Variants in SHROOM3 observed in about 807,000 individuals in gnomAD.
SHROOM3 encodes the protein shroom family member 3, also known as protein Shroom3.
SHROOM3 carries 47 observed loss-of-function variants against 138.6 expected under a neutral mutation model. The observed-to-expected ratio is 0.34, with a 90% confidence interval of 0.27 to 0.43. The LOEUF (loss-of-function observed/expected upper bound fraction) is 0.43. Ranked by LOEUF, SHROOM3 falls within the 20% of genes least tolerant of loss-of-function variation. The probability of loss-of-function intolerance (pLI) is 1.00; values close to 1 mark genes in which losing one functional copy is unlikely to be tolerated. For missense variants in SHROOM3, 2,491 were observed against 2,596.5 expected (o/e 0.96, Z 0.88); for synonymous variants, 1,062 against 1,063.3 (o/e 1.00, Z 0.02).
chr4:76,751,885 A>C (rs1329908835), intron 6 of SHROOM3, among the ~76,000 whole-genome samples: 1 of 152,256 alleles, frequency 6.6e-6, no homozygotes, highest in Non-Finnish European at 1.5e-5. Flanking sequence ...GTGCAGCCGT[A>C]TGAAAAACAG....
chr4:76,566,682 T>G, intron 2 of SHROOM3, among the ~76,000 whole-genome samples: 1 of 152,234 alleles, frequency 6.6e-6, no homozygotes, highest in African/African-American at 2.4e-5. Context: ...AGTATAGGTT[T>G]GTGGGTTACT....
chr4:76,690,745 A>C (rs936528287), intron 2 of SHROOM3, among the ~76,000 whole-genome samples: 2 of 152,152 alleles, frequency 1.3e-5, no homozygotes, highest in African/African-American at 2.4e-5. Flanking sequence ...AAAAGGTGTA[A>C]TATACAGAGA....
At chr4:76,454,846 G>A (rs966367192) in intron 1 of SHROOM3, among the ~76,000 whole-genome samples, 1 of 152,084 alleles carries the variant, frequency 6.6e-6, no homozygotes, top group African/African-American at 2.4e-5. Flanking sequence ...ATGATTTACA[G>A]TTTTCATGCA....
intron 2 of SHROOM3, among the ~76,000 whole-genome samples, chr4:76,681,259 A>G (rs1470234022): frequency 6.6e-6 from 1 of 152,138 alleles, no homozygotes; most frequent in Non-Finnish European, 1.5e-5. Flanking sequence ...TCTCCCAAGC[A>G]TGTCCTGTGC....
At chr4:76,554,985 C>T (rs1296814457) in intron 1 of SHROOM3, among the ~76,000 whole-genome samples, 2 of 151,650 alleles carry the variant, frequency 1.3e-5, no homozygotes, top group East Asian at 3.9e-4. Flanking sequence ...TTATGAGAAT[C>T]TAATGCCTGA....
intron 8 of SHROOM3, among the ~76,000 whole-genome samples, chr4:76,757,332 G>A (rs891043081): frequency 2.6e-5 from 4 of 152,204 alleles, no homozygotes; most frequent in African/African-American, 9.7e-5. Context: ...CATTGAACAT[G>A]TGAGTGATGG....
intron 2 of SHROOM3, among the ~76,000 whole-genome samples, chr4:76,654,971 T>C (rs1736035687): frequency 6.6e-6 from 1 of 152,214 alleles, no homozygotes; most frequent in African/African-American, 2.4e-5. Flanking sequence ...TATCATACTA[T>C]GTGGCTCTGG....
chr4:76,612,595 G>A (rs1384810529), intron 2 of SHROOM3, among the ~76,000 whole-genome samples: 2 of 152,138 alleles, frequency 1.3e-5, no homozygotes, highest in African/African-American at 4.8e-5. Flanking sequence ...AAATAATGTA[G>A]TATAATAATG....
chr4:76,746,725 ATAAC>A (rs984707413), intron 5 of SHROOM3, among the ~76,000 whole-genome samples: 4 of 151,626 alleles, frequency 2.6e-5, no homozygotes, highest in African/African-American at 9.7e-5. Flanking sequence ...AGATATTGAG[ATAAC>A]TAACTTGGAA....
intron 2 of SHROOM3, among the ~76,000 whole-genome samples, chr4:76,606,700 C>T (rs1050867591): frequency 1.8e-4 from 28 of 152,126 alleles, no homozygotes; most frequent in African/African-American, 6.5e-4. Context: ...AGGACTCCCT[C>T]TCAAAAAATA....
At chr4:76,717,751 A>G (rs1720418143) in intron 3 of SHROOM3, among the ~76,000 whole-genome samples, 1 of 152,148 alleles carries the variant, frequency 6.6e-6, no homozygotes, top group Non-Finnish European at 1.5e-5. Context: ...GACAAAAGGA[A>G]CCCATGTGTA....
At chr4:76,616,448 AT>A (rs1167077882) in intron 2 of SHROOM3, among the ~76,000 whole-genome samples, 2 of 152,222 alleles carry the variant, frequency 1.3e-5, no homozygotes, top group East Asian at 3.8e-4. Context: ...AATATAGTGT[AT>A]CCATTCATAT....
chr4:76,731,041 C>T (rs1560604585), intron 4 of SHROOM3, 106 bp downstream of exon 4: 4 of 1,444,708 alleles, frequency 2.8e-6, no homozygotes, highest in Non-Finnish European at 3.9e-6. Flanking sequence ...CTTATACTCA[C>T]ACTAAATATT....
intron 2 of SHROOM3, among the ~76,000 whole-genome samples, chr4:76,600,301 C>T (rs1577910614): frequency 6.6e-6 from 1 of 151,106 alleles, no homozygotes; most frequent in East Asian, 2.0e-4. Flanking sequence ...GAGTTCCATG[C>T]CACGTGAGTC....
rs929262419 is a variant in SHROOM3 at position 76,664,707 on chromosome 4, T to C, written c.324-45449T>C. Among the ~76,000 whole-genome samples, 1 of 152,242 alleles carries C rather than the reference T, an allele frequency of 6.6e-6. No individual in the cohort carries two copies. Among genetic ancestry groups the C allele is most frequent in the Non-Finnish European group, 1.5e-5 (1 of 68,040 alleles). ...CAGTTTTAAGTGTATAGGTCAATAA[T>C]GTTAAGTGTATAGTTCAATAAGTTT... On this transcript the variant is annotated intron_variant, in intron 2 of 10. Coordinates refer to ENST00000296043, the MANE Select transcript of SHROOM3 (RefSeq NM_020859.4). The surrounding 1 kb of genome is among the most constrained non-coding windows in gnomAD (Gnocchi z 4.2).
chr4:76,587,781 T>C (rs1734184165), intron 2 of SHROOM3, among the ~76,000 whole-genome samples: 1 of 152,186 alleles, frequency 6.6e-6, no homozygotes, highest in Non-Finnish European at 1.5e-5. Context: ...CACTTAAAAA[T>C]ATAGTGTATA....
rs147060776 is a variant in SHROOM3, at chr4:76,755,013, G to T, written c.4530G>T (p.Val1510=). Residue 1510 remains valine (V), a synonymous_variant, in exon 7 of 11, where the codon GTG becomes GTT. Transcript: ENST00000296043. ...PHEDYEDEVF[V]RDPHPKATSS... The stretch of plus-strand genomic sequence containing the variant: ...AGGATTATGAAGACGAAGTGTTTGT[G>T]AGGGATCCGCACCCCAAGGCCACGT... 4.3e-6 allele frequency: 7 copies of T among 1,610,704 alleles called. No homozygotes were observed. Among genetic ancestry groups the T allele is most frequent in the Non-Finnish European group, 5.9e-6 (7 of 1,177,474 alleles).
intron 8 of SHROOM3, among the ~76,000 whole-genome samples, 164 bp from the exon 9 acceptor site, chr4:76,759,381 G>C (rs1229502923): frequency 4.6e-5 from 7 of 152,172 alleles, no homozygotes; most frequent in Admixed American, 4.6e-4. Context: ...CAACAGCCCT[G>C]TACATAGTAA....
At chr4:76,585,157 G>A (rs73828172) in intron 2 of SHROOM3, among the ~76,000 whole-genome samples, 2,421 of 152,258 alleles carry the variant, frequency 0.016, 74 homozygotes, top group African/African-American at 0.055. Flanking sequence ...GATTACTACT[G>A]CTGGTAGAAA....
Sources: gnomAD v4.1 joint callset for allele counts (sites outside exome capture counted in the v4.1 genomes callset) on GRCh38, gnomAD v4.1.1 for gene constraint, Gnocchi (gnomAD v3.1) non-coding constraint, MANE v1.5 for transcripts, NCBI Gene and HGNC (gene_info 2026-07-23, HGNC 2026-07-21) for gene names.